The following RAF1 variants were observed in gnomAD, a reference collection of about 807,000 sequenced individuals.
RAF1 encodes the protein Raf-1 proto-oncogene, serine/threonine kinase.
RAF1 carries 27 observed loss-of-function variants against 81.1 expected under a neutral mutation model. That is an observed-to-expected ratio of 0.33 (90% confidence interval 0.25 to 0.46). The LOEUF is 0.46. Among genes scored for constraint, RAF1 ranks in the 20% least tolerant of loss-of-function variants. RAF1 has a pLI of 1.00. For missense variants in RAF1, 598 were observed against 826.0 expected (o/e 0.72, Z 3.38); for synonymous variants, 298 against 294.0 (o/e 1.01, Z -0.14).
intron 5 of RAF1, 122 bp downstream of exon 5, chr3:12,608,644 G>C: frequency 3.4e-6 from 4 of 1,166,674 alleles, no homozygotes; most frequent in Non-Finnish European, 5.1e-6. Context: ...GTAGTTTCTG[G>C]ATCACAATTC....
intron 1 of RAF1, among the ~76,000 whole-genome samples, chr3:12,654,067 T>C (rs1159371821): frequency 2.0e-5 from 3 of 151,822 alleles, no homozygotes; most frequent in South Asian, 2.1e-4. Context: ...TCATAGCTTA[T>C]TGCAGCCTCC....
intron 1 of RAF1, among the ~76,000 whole-genome samples, chr3:12,653,733 T>C (rs866759331): frequency 3.2e-4 from 48 of 151,450 alleles, no homozygotes; most frequent in Middle Eastern, 6.8e-3. Flanking sequence ...AGCAAGACTA[T>C]GTCTCAAAAA....
chr3:12,660,801 C>T (rs1213222554), intron 1 of RAF1, among the ~76,000 whole-genome samples: 1 of 152,034 alleles, frequency 6.6e-6, no homozygotes, highest in African/African-American at 2.4e-5. Context: ...ATGGTGAAAT[C>T]CCGTCTCTAC....
At position 12,612,119 on chromosome 3, in the gene RAF1, G is replaced by A. The variant is rs934891307; in HGVS notation, c.208-57C>T. The A allele has an allele frequency of 3.1e-5, 42 of 1,375,376 alleles. 1 individual carries two copies. Among genetic ancestry groups the A allele is most frequent in the Middle Eastern group, 4.0e-4 (2 of 5,056 alleles). The allele number at this position is 1,375,376 out of a possible 1,614,324, so 85.2% of individuals were successfully genotyped here. On this transcript the variant is annotated intron_variant, in intron 2 of 17. Transcript: ENST00000442415. ...ACAGGCTGCAGCACCCCTTGGAAAG[G>A]TGGGCACAGAAATAAATGCACCAGT...
At chr3:12,602,975 C>G (rs1300402262) in intron 8 of RAF1, among the ~76,000 whole-genome samples, 1 of 152,112 alleles carries the variant, frequency 6.6e-6, no homozygotes, top group African/African-American at 2.4e-5. Flanking sequence ...CTGTGAGCAC[C>G]AACTAAGTAA....
intron 5 of RAF1, among the ~76,000 whole-genome samples, chr3:12,608,188 T>C (rs1021012751): frequency 6.6e-6 from 1 of 152,196 alleles, no homozygotes; most frequent in Non-Finnish European, 1.5e-5. Flanking sequence ...AAAGGCAGTT[T>C]GGACCATGTA....
chr3:12,595,599 G>A (rs891601898), intron 11 of RAF1, among the ~76,000 whole-genome samples: 1 of 151,906 alleles, frequency 6.6e-6, no homozygotes, highest in South Asian at 2.1e-4. Flanking sequence ...TCTAAATGAA[G>A]CCATAAGATC....
chr3:12,585,845 A>G, intron 14 of RAF1, 46 bp from the exon 14 acceptor site: 1 of 1,357,272 alleles, frequency 7.4e-7, no homozygotes, highest in African/African-American at 1.4e-5. Context: ...TGGTCAGGTT[A>G]ATTTTGAAAA....
intron 14 of RAF1, 67 bp from the exon 14 acceptor site, chr3:12,585,866 G>T: frequency 9.0e-7 from 1 of 1,106,050 alleles, no homozygotes; most frequent in Non-Finnish European, 1.4e-6. Flanking sequence ...ATATCCCAAA[G>T]TTCTTTATAA....
chr3:12,588,863 G>T (rs1279894753), intron 13 of RAF1: 2 of 152,210 alleles, frequency 1.3e-5, no homozygotes, highest in Non-Finnish European at 2.9e-5. Context: ...AGGTGTTTGG[G>T]TCATGGGGAT....
At chr3:12,606,551 T>C (rs1329879512) in intron 5 of RAF1, among the ~76,000 whole-genome samples, 4 of 151,908 alleles carry the variant, frequency 2.6e-5, no homozygotes, top group Admixed American at 2.0e-4. Context: ...TTCTTTTTCT[T>C]TTTTTTTAAG....
intron 11 of RAF1, among the ~76,000 whole-genome samples, chr3:12,594,720 C>A (rs1359588766): frequency 6.6e-6 from 1 of 152,104 alleles, no homozygotes; most frequent in Non-Finnish European, 1.5e-5. Context: ...TTTCCATCAT[C>A]CTAGCCAGTT....
intron 5 of RAF1, among the ~76,000 whole-genome samples, chr3:12,607,681 G>A (rs993209819): frequency 6.6e-6 from 1 of 151,852 alleles, no homozygotes; most frequent in Non-Finnish European, 1.5e-5. Flanking sequence ...GGCTGGGCGT[G>A]GTGGCTCATG....
intron 1 of RAF1, among the ~76,000 whole-genome samples, chr3:12,630,596 T>C (rs554077402): frequency 1.3e-5 from 2 of 152,176 alleles, no homozygotes; most frequent in African/African-American, 4.8e-5. Context: ...GAGAACAACA[T>C]TCCAGGCAGA....
intron 1 of RAF1, among the ~76,000 whole-genome samples, chr3:12,651,603 G>A (rs2060528709): frequency 6.6e-6 from 1 of 150,628 alleles, no homozygotes; most frequent in African/African-American, 2.4e-5. Flanking sequence ...GCCGTGAGCC[G>A]AGATCGCACC....
In RAF1 at chr3:12,604,628, T is replaced by C. The variant is rs535907212; in HGVS notation, c.681-339A>G. On this transcript the variant is annotated intron_variant, in intron 6 of 17. Coordinates refer to ENST00000442415, the MANE Select transcript of RAF1 (RefSeq NM_001354689.3). ...ACAGATTAACATTTGACAACCACGC[T>C]ACCACCTATTAAGCTAGTTGGAACA... Among the ~76,000 whole-genome samples, 20 of 152,338 alleles carry C rather than the reference T, an allele frequency of 1.3e-4. No homozygotes were observed. The East Asian group carries it at 3.9e-3, about 29-fold the overall frequency.
chr3:12,632,476 TTTC>T (rs1466852894), intron 1 of RAF1, among the ~76,000 whole-genome samples: 1 of 152,166 alleles, frequency 6.6e-6, no homozygotes, highest in African/African-American at 2.4e-5. Flanking sequence ...CTACTTCATC[TTTC>T]TTAAGTGACA....
intron 1 of RAF1, among the ~76,000 whole-genome samples, chr3:12,651,405 G>C (rs763124551): frequency 6.6e-6 from 1 of 152,064 alleles, no homozygotes; most frequent in African/African-American, 2.4e-5. Context: ...AGGCCGAGGA[G>C]GGTGGATCAC....
Position 12,636,419 on chromosome 3 carries a change from C to A in RAF1, c.-26-17672G>T, listed in dbSNP as rs574541466. ...CCCAGTAGTTCAAGACCAGCCTGGG[C>A]AACATAACAAGACTGTATATCTTTA... On this transcript the variant is annotated intron_variant, in intron 1 of 17. Coordinates refer to ENST00000442415, the MANE Select transcript of RAF1 (RefSeq NM_001354689.3). Among the ~76,000 whole-genome samples the A allele has an allele frequency of 2.9e-5, 4 of 137,772 alleles. No individual in the cohort carries two copies. The South Asian group carries it at 9.6e-4, about 33-fold the overall frequency. 90.4% of individuals were successfully genotyped at this position (137,772 alleles called of 152,430 possible).
Sources: gnomAD v4.1 joint callset for allele counts (sites outside exome capture counted in the v4.1 genomes callset) on GRCh38, gnomAD v4.1.1 for gene constraint, MANE v1.5 for transcripts, NCBI Gene and HGNC (gene_info 2026-07-23, HGNC 2026-07-21) for gene names.